WBP1L: variants seen among roughly 807,000 people sequenced by gnomAD.
WBP1L encodes the protein WW domain binding protein 1 like, also known as WW domain binding protein 1-like.
Under a neutral mutation model 33.7 loss-of-function variants are expected in WBP1L, and 17 were observed. That is an observed-to-expected ratio of 0.50 (90% confidence interval 0.34 to 0.76). The LOEUF is 0.76. Among genes scored for constraint, WBP1L ranks in the 30% least tolerant of loss-of-function variants. The pLI, the probability that WBP1L is intolerant of heterozygous loss-of-function variation, is 0.01. For missense variants in WBP1L, 389 were observed against 469.4 expected, an observed-to-expected ratio of 0.83 and a Z score of 1.58; for synonymous variants, 173 against 190.8, an observed-to-expected ratio of 0.91 and a Z score of 0.77.
chr10:102,787,707 C>T (rs997187235), intron 1 of WBP1L, among the ~76,000 whole-genome samples: 10 of 152,170 alleles, frequency 6.6e-5, no homozygotes, highest in Non-Finnish European at 1.2e-4. Context: ...CCCTTCTGTA[C>T]TCTCCTTCTA....
At chr10:102,769,901 A>G (rs1843165032) in intron 1 of WBP1L, among the ~76,000 whole-genome samples, 1 of 152,186 alleles carries the variant, frequency 6.6e-6, no homozygotes, top group African/African-American at 2.4e-5. Context: ...TTTTATAGAT[A>G]CCTTGTGGAA....
At chr10:102,764,298 C>T (rs1308733987) in intron 1 of WBP1L, among the ~76,000 whole-genome samples, 2 of 152,174 alleles carry the variant, frequency 1.3e-5, no homozygotes, top group African/African-American at 2.4e-5. Flanking sequence ...ACAACATTAG[C>T]TTTTCTGGGA....
chr10:102,744,587 A>G (rs1265399993), intron 1 of WBP1L: 1 of 736,100 alleles, frequency 1.4e-6, no homozygotes, highest in Non-Finnish European at 1.7e-6. Flanking sequence ...GGACTGGGGA[A>G]AGTTCCGAGG....
intron 1 of WBP1L, among the ~76,000 whole-genome samples, chr10:102,789,369 C>T (rs192533150): frequency 3.2e-4 from 49 of 152,320 alleles, no homozygotes; most frequent in Non-Finnish European, 5.6e-4. Context: ...CTCAGCTACA[C>T]TAGTCTTCTT....
chr10:102,771,772 C>T (rs891945078), intron 1 of WBP1L, among the ~76,000 whole-genome samples: 3 of 149,720 alleles, frequency 2.0e-5, no homozygotes, highest in African/African-American at 2.5e-5. Context: ...CGTGCCACCA[C>T]ACTCCAGCCT....
intron 3 of WBP1L, among the ~76,000 whole-genome samples, chr10:102,811,490 C>A (rs1843842211): frequency 6.6e-6 from 1 of 152,176 alleles, no homozygotes; most frequent in African/African-American, 2.4e-5. Context: ...AATAAACTTT[C>A]ACAATTGTTT....
At position 102,798,033 on chromosome 10, in the gene WBP1L, T is replaced by C; in HGVS notation, c.131T>C (p.Ile44Thr). 6.2e-7 allele frequency: 1 copy of C among 1,614,122 alleles called. No homozygotes were observed. Among genetic ancestry groups the C allele is most frequent in the Non-Finnish European group, 8.5e-7 (1 of 1,180,004 alleles). Reference sequence around the variant, plus strand: ...GTGGGTACCAACAATCAAAGCTACATCTGTGACACAGGACACTGCTGTGGA... The same window carrying C: ...GTGGGTACCAACAATCAAAGCTACACCTGTGACACAGGACACTGCTGTGGA... ...ACVGTNNQSY[I>T]CDTGHCCGQS... Residue 44 changes from isoleucine to threonine, a missense_variant, in exon 2 of 4, where the codon ATC becomes ACC. Ile to Thr is a moderately conservative substitution (Grantham distance 89). Transcript: ENST00000448841.
chr10:102,750,134 G>A (rs143177928), intron 1 of WBP1L, among the ~76,000 whole-genome samples: 3 of 151,728 alleles, frequency 2.0e-5, no homozygotes, highest in Non-Finnish European at 4.4e-5. Flanking sequence ...CAGGTCAGGC[G>A]CAGTGGTTCA....
chr10:102,810,198 G>A, intron 3 of WBP1L, 144 bp downstream of exon 3: 3 of 1,162,134 alleles, frequency 2.6e-6, no homozygotes, highest in Admixed American at 2.6e-5. Context: ...GGTCTTGAAA[G>A]TACAGGAACA....
chr10:102,796,363 T>C (rs185344079), intron 1 of WBP1L, among the ~76,000 whole-genome samples: 6 of 152,346 alleles, frequency 3.9e-5, no homozygotes, highest in Admixed American at 3.9e-4. Flanking sequence ...AAACGTGCAC[T>C]AAGCCGGGGA....
intron 2 of WBP1L, 42 bp from the exon 3 acceptor site, chr10:102,809,851 A>G (rs1843803048): frequency 1.9e-6 from 3 of 1,577,864 alleles, no homozygotes; most frequent in Non-Finnish European, 2.6e-6. Flanking sequence ...TCTGGCTGGT[A>G]CTCACTGTGT....
chr10:102,797,971 A>T (rs1473828501), intron 1 of WBP1L, 22 bp from the exon 2 acceptor site: 2 of 1,601,774 alleles, frequency 1.2e-6, no homozygotes, highest in Non-Finnish European at 1.7e-6. Flanking sequence ...TAATATGCTA[A>T]CATGCTTTTT....
At chr10:102,769,654 C>T (rs1023457231) in intron 1 of WBP1L, among the ~76,000 whole-genome samples, 1 of 152,138 alleles carries the variant, frequency 6.6e-6, no homozygotes, top group Non-Finnish European at 1.5e-5. Context: ...TGTGTCCAAG[C>T]CATTTTGGAG....
intron 1 of WBP1L, among the ~76,000 whole-genome samples, chr10:102,771,131 C>G (rs1420468709): frequency 6.6e-6 from 1 of 152,166 alleles, no homozygotes; most frequent in African/African-American, 2.4e-5. Context: ...TCCCCTACCC[C>G]ACCCCAGAAT....
intron 1 of WBP1L, among the ~76,000 whole-genome samples, chr10:102,783,067 G>C (rs1240208147): frequency 1.3e-5 from 2 of 152,180 alleles, no homozygotes; most frequent in Non-Finnish European, 2.9e-5. Flanking sequence ...GGCAGGCAGT[G>C]GTTTGAATAC....
intron 1 of WBP1L, among the ~76,000 whole-genome samples, chr10:102,758,894 T>C (rs995298997): frequency 2.6e-5 from 4 of 152,202 alleles, no homozygotes; most frequent in African/African-American, 9.6e-5. Context: ...CGTCAGCGTT[T>C]TCTTCTCTGC....
At chr10:102,747,699 G>A (rs1842880423) in intron 1 of WBP1L, among the ~76,000 whole-genome samples, 1 of 151,870 alleles carries the variant, frequency 6.6e-6, no homozygotes, top group Non-Finnish European at 1.5e-5. Context: ...GCTAATTTTT[G>A]TATTTTTCTG....
chr10:102,781,341 G>A (rs1299777636), intron 1 of WBP1L, among the ~76,000 whole-genome samples: 1 of 152,202 alleles, frequency 6.6e-6, no homozygotes, highest in African/African-American at 2.4e-5. Flanking sequence ...TTGACTTGGG[G>A]TATTTATTAT....
At chr10:102,794,912 A>C (rs1470868911) in intron 1 of WBP1L, among the ~76,000 whole-genome samples, 3 of 152,128 alleles carry the variant, frequency 2.0e-5, no homozygotes, top group Non-Finnish European at 2.9e-5. Flanking sequence ...TCCTTGCTAG[A>C]GGTACACCTT....
Sources: gnomAD v4.1 joint callset for allele counts (sites outside exome capture counted in the v4.1 genomes callset) on GRCh38, gnomAD v4.1.1 for gene constraint, MANE v1.5 for transcripts, NCBI Gene and HGNC (gene_info 2026-07-23, HGNC 2026-07-21) for gene names.